EGFR: variants seen among roughly 807,000 people sequenced by gnomAD.
EGFR encodes epidermal growth factor receptor, also known as avian erythroblastic leukemia viral (v-erb-b) oncogene homolog.
Under a neutral mutation model 143.0 loss-of-function variants are expected in EGFR, and 58 were observed. That is an observed-to-expected ratio of 0.41 (90% CI 0.33 to 0.50). The LOEUF is 0.50. Among genes scored for constraint, EGFR ranks in the 20% least tolerant of loss-of-function variants. The pLI is 0.39. For missense variants in EGFR, 1,307 were observed against 1,579.0 expected (o/e 0.83, Z 2.92); for synonymous variants, 613 against 594.4 (o/e 1.03, Z -0.45).
Position 55,174,764 on chromosome 7 carries a change from G to A in EGFR, c.2227G>A (p.Ala743Thr), listed in dbSNP as rs759256622. ...AGGTGAGAAAGTTAAAATTCCCGTC[G>A]CTATCAAGGAATTAAGAGAAGCAAC... ...PEGEKVKIPV[A>T]IKELREATSP... The change falls in exon 19 of 28, where the codon GCT becomes ACT. Residue 743 changes from alanine to threonine, a missense_variant. Coordinates refer to ENST00000275493, the MANE Select transcript of EGFR (RefSeq NM_005228.5). The A allele has an allele frequency of 8.7e-6, 14 of 1,614,038 alleles. No homozygotes were observed. The highest frequency in any genetic ancestry group is 1.3e-5 in the African/African-American group (1 of 75,044).
chr7:55,194,226 C>CTTT (rs56129716), intron 22 of EGFR, among the ~76,000 whole-genome samples: 1 of 132,914 alleles, frequency 7.5e-6, no homozygotes, highest in Non-Finnish European at 1.6e-5. Flanking sequence ...TATTTTTTAA[C>CTTT]TTTTTTTTTT....
chr7:55,181,175 G>A (rs1584237679), intron 19 of EGFR, 118 bp from the exon 20 acceptor site: 2 of 1,232,808 alleles, frequency 1.6e-6, no homozygotes, highest in Non-Finnish European at 2.4e-6. Context: ...TTTCCTCCAT[G>A]AGTACGTATT....
At chr7:55,149,084 G>A (rs1794904863) in intron 4 of EGFR, among the ~76,000 whole-genome samples, 1 of 151,940 alleles carries the variant, frequency 6.6e-6, no homozygotes, top group Non-Finnish European at 1.5e-5. Context: ...TAATATATAT[G>A]TAAGTGCCAG....
At position 55,205,900 on chromosome 7, in the gene EGFR, A is replaced by AG. The variant is rs1788091173; in HGVS notation, c.*283_*284insG. Reference sequence around the variant, plus strand: ...TTATCTTTCAAAGAGGTATATTTGAAAAAAAAAAAAAGTATATGTGAGGAT... The same window carrying AG: ...TTATCTTTCAAAGAGGTATATTTGAAGAAAAAAAAAAAGTATATGTGAGGAT... On this transcript the variant is annotated 3_prime_UTR_variant, in exon 28 of 28. Transcript: ENST00000275493. 1 of 444,676 alleles carries AG rather than the reference A, an allele frequency of 2.2e-6. No individual in the cohort carries two copies. The highest frequency in any genetic ancestry group is 3.8e-5 in the Admixed American group (1 of 26,088). The allele number at this position is 444,676 out of a possible 1,614,324, so 27.5% of individuals were successfully genotyped here. A position where few individuals can be genotyped will look rare whatever the true frequency, so the allele number is the denominator to read the frequency against.
At chr7:55,081,731 T>TTA (rs35392351) in intron 1 of EGFR, among the ~76,000 whole-genome samples, 37,253 of 151,312 alleles carry the variant, frequency 0.25, 5,071 homozygotes, top group Non-Finnish European at 0.31. Flanking sequence ...TTTTTTTTTT[T>TTA]TTATTTGCAA....
intron 1 of EGFR, among the ~76,000 whole-genome samples, chr7:55,096,628 G>A (rs1281260941): frequency 2.0e-5 from 3 of 152,170 alleles, no homozygotes; most frequent in African/African-American, 7.2e-5. Flanking sequence ...TGACTGACCA[G>A]GAGTTCCCGG....
intron 1 of EGFR, among the ~76,000 whole-genome samples, chr7:55,092,762 G>T (rs1445474012): frequency 1.3e-5 from 2 of 152,246 alleles, no homozygotes; most frequent in East Asian, 1.9e-4. Flanking sequence ...AGCTCGGCCT[G>T]CCCCGGCGTC....
chr7:55,091,894 TGAGA>T (rs1323864307), intron 1 of EGFR, among the ~76,000 whole-genome samples: 6 of 122,152 alleles, frequency 4.9e-5, no homozygotes, highest in Non-Finnish European at 9.1e-5. Flanking sequence ...ACACACACCC[TGAGA>T]GAGAGAAAGA....
In EGFR at chr7:55,168,482, G is replaced by A. The variant is rs142133594; in HGVS notation, c.1881-2693G>A. On this transcript the variant is annotated intron_variant, in intron 15 of 27. Coordinates refer to ENST00000275493, the MANE Select transcript of EGFR (RefSeq NM_005228.5). ...TTTAGTCAAGATTTAAATTAAAAAT[G>A]TTAGTGGTCATTTTTCTAATGTCTT... is the stretch of plus-strand genomic sequence containing the variant. 5.5e-4 allele frequency: 620 copies of A among 1,126,316 alleles called. 2 individuals carry two copies. The African/African-American group carries it at 6.9e-3, about 12-fold the overall frequency. 69.8% of individuals were successfully genotyped at this position (1,126,316 alleles called of 1,614,324 possible).
chr7:55,163,188 G>T (rs931598796), intron 13 of EGFR, among the ~76,000 whole-genome samples: 3 of 152,236 alleles, frequency 2.0e-5, no homozygotes, highest in Non-Finnish European at 4.4e-5. Context: ...CTGACAAACA[G>T]CCGTACATCT....
chr7:55,036,621 C>T (rs1023621768), intron 1 of EGFR, among the ~76,000 whole-genome samples: 1 of 152,132 alleles, frequency 6.6e-6, no homozygotes, highest in African/African-American at 2.4e-5. Flanking sequence ...AGCTTCTCGA[C>T]GGAGGTATTG....
rs17336038 is a variant in EGFR at position 55,085,876 on chromosome 7, T to C, written c.89-56410T>C. 2.6e-5 allele frequency among the ~76,000 whole-genome samples: 4 copies of C among 152,100 alleles called. No individual in the cohort carries two copies. The South Asian group carries it at 8.3e-4, about 32-fold the overall frequency. ...ACTGATGCAGTGGCAGAAGTAGAATTTGAGCTTGTGCAGATGTGCCTCCGT... is the reference window on the plus strand; with the variant it reads ...ACTGATGCAGTGGCAGAAGTAGAATCTGAGCTTGTGCAGATGTGCCTCCGT... On this transcript the variant is annotated intron_variant, in intron 1 of 27. Transcript: ENST00000275493.
At chr7:55,025,189 G>C (rs1786810038) in intron 1 of EGFR, among the ~76,000 whole-genome samples, 1 of 152,194 alleles carries the variant, frequency 6.6e-6, no homozygotes, top group Non-Finnish European at 1.5e-5. Context: ...GCTGTGTTTG[G>C]TGTTTTAGAA....
intron 1 of EGFR, among the ~76,000 whole-genome samples, chr7:55,067,825 T>C (rs1447796049): frequency 1.3e-5 from 2 of 151,550 alleles, no homozygotes; most frequent in South Asian, 2.1e-4. Flanking sequence ...TGTGCGTGTA[T>C]GTGTGTGTAT....
intron 18 of EGFR, 29 bp downstream of exon 18, chr7:55,174,072 T>C: frequency 6.2e-7 from 1 of 1,614,028 alleles, no homozygotes; most frequent in Non-Finnish European, 8.5e-7. Flanking sequence ...GCCTCTGGGC[T>C]GGGCCGCAGG....
intron 1 of EGFR, among the ~76,000 whole-genome samples, chr7:55,107,325 G>T (rs1215012084): frequency 1.3e-5 from 2 of 152,014 alleles, no homozygotes; most frequent in Non-Finnish European, 2.9e-5. Context: ...GAAGAATATT[G>T]TTCCCTCAAT....
chr7:55,143,775 A>G, intron 3 of EGFR, among the ~76,000 whole-genome samples: 1 of 152,216 alleles, frequency 6.6e-6, no homozygotes, highest in Non-Finnish European at 1.5e-5. Context: ...AGAGAGTATG[A>G]CCAAACAAGC....
intron 1 of EGFR, among the ~76,000 whole-genome samples, chr7:55,037,265 A>T (rs542546681): frequency 6.6e-6 from 1 of 152,310 alleles, no homozygotes; most frequent in African/African-American, 2.4e-5. Flanking sequence ...CAGACTGAGC[A>T]CTGAAAAGCT....
chr7:55,197,568 G>C (rs1418625367), intron 22 of EGFR, among the ~76,000 whole-genome samples: 2 of 152,144 alleles, frequency 1.3e-5, no homozygotes, highest in Admixed American at 6.5e-5. Context: ...GTTGAGAGAG[G>C]GAATCCTTGT....
Sources: gnomAD v4.1 joint callset for allele counts (sites outside exome capture counted in the v4.1 genomes callset) on GRCh38, gnomAD v4.1.1 for gene constraint, MANE v1.5 for transcripts, NCBI Gene and HGNC (gene_info 2026-07-23, HGNC 2026-07-21) for gene names.